The following GARNL3 variants were observed in gnomAD, a reference collection of about 807,000 sequenced individuals.
GARNL3 encodes GTPase activating Rap/RanGAP domain like 3.
Under a neutral mutation model 125.0 loss-of-function variants are expected in GARNL3, and 63 were observed. The ratio of observed to expected loss-of-function variants is 0.50; its 90% CI spans 0.41 to 0.62. The LOEUF is 0.62. Among genes scored for constraint, GARNL3 ranks in the 20% least tolerant of loss-of-function variants. The pLI is 0.00. For missense variants in GARNL3, 994 were observed against 1,244.0 expected (o/e 0.80, Z 3.02); for synonymous variants, 439 against 457.5 (o/e 0.96, Z 0.52).
At chr9:127,381,442 A>G (rs959954726) in intron 22 of GARNL3, among the ~76,000 whole-genome samples, 1 of 152,144 alleles carries the variant, frequency 6.6e-6, no homozygotes, top group Non-Finnish European at 1.5e-5. Flanking sequence ...ACTAAAATGC[A>G]TTAGCAGAAT....
At chr9:127,366,102 GTCTAACA>G (rs1231139707) in intron 22 of GARNL3, among the ~76,000 whole-genome samples, 1 of 152,178 alleles carries the variant, frequency 6.6e-6, no homozygotes, top group African/African-American at 2.4e-5. Context: ...AAGCTGCCCA[GTCTAACA>G]AGACATAAAA....
intron 7 of GARNL3, among the ~76,000 whole-genome samples, chr9:127,325,676 A>G (rs1426237315): frequency 5.3e-5 from 8 of 152,118 alleles, no homozygotes; most frequent in Non-Finnish European, 8.8e-5. Context: ...CTCATCCTAT[A>G]TCTAACCTAT....
At chr9:127,290,192 C>T (rs2064372575) in intron 1 of GARNL3, among the ~76,000 whole-genome samples, 1 of 152,174 alleles carries the variant, frequency 6.6e-6, no homozygotes, top group Admixed American at 6.5e-5. Context: ...CAACAAATAC[C>T]AGATACTGTT....
At position 127,393,480 on chromosome 9, in the gene GARNL3, G is replaced by C. The variant is rs1185195954; in HGVS notation, c.*226G>C. The C allele has an allele frequency of 5.8e-6, 2 of 345,258 alleles. No individual in the cohort carries two copies. Among genetic ancestry groups the C allele is most frequent in the Admixed American group, 4.5e-5 (1 of 22,320 alleles). 21.4% of individuals were successfully genotyped at this position (345,258 alleles called of 1,614,324 possible). A position where few individuals can be genotyped will look rare whatever the true frequency, so the allele number is the denominator to read the frequency against. On this transcript the variant is annotated 3_prime_UTR_variant, in exon 28 of 28. Transcript: ENST00000373387. ...CCATCAGTCCCCTTGTAATAAAGGT[G>C]GTAGATTTCATTGAGGTTTTAGATT...
intron 14 of GARNL3, 81 bp downstream of exon 14, chr9:127,342,415 C>A: frequency 1.1e-6 from 1 of 942,426 alleles, no homozygotes; most frequent in Non-Finnish European, 1.7e-6. Flanking sequence ...CGATGAGGCC[C>A]TGGTGAGAAA....
intron 1 of GARNL3, among the ~76,000 whole-genome samples, chr9:127,284,145 G>A (rs1056520005): frequency 6.6e-6 from 1 of 152,146 alleles, no homozygotes; most frequent in African/African-American, 2.4e-5. Context: ...GATGCTCTGG[G>A]CCAGGGCTGC....
At chr9:127,290,380 A>G (rs984710060) in intron 1 of GARNL3, among the ~76,000 whole-genome samples, 3 of 152,196 alleles carry the variant, frequency 2.0e-5, no homozygotes, top group Non-Finnish European at 4.4e-5. Context: ...TGTTTTGCTG[A>G]GTGAGCTCTG....
chr9:127,360,476 C>T (rs147030147), intron 21 of GARNL3, among the ~76,000 whole-genome samples: 1 of 152,330 alleles, frequency 6.6e-6, no homozygotes, highest in Non-Finnish European at 1.5e-5. Context: ...TAGTCAGATG[C>T]ACTCACTCAT....
intron 1 of GARNL3, among the ~76,000 whole-genome samples, chr9:127,273,432 T>C (rs1057206921): frequency 1.3e-5 from 2 of 152,226 alleles, no homozygotes; most frequent in Non-Finnish European, 2.9e-5. Flanking sequence ...TCAAACTATT[T>C]TTCGTCCAAA....
intron 26 of GARNL3, 38 bp downstream of exon 26, chr9:127,389,157 C>A: frequency 7.0e-7 from 1 of 1,429,384 alleles, no homozygotes; most frequent in South Asian, 1.2e-5. Context: ...TGTCTGTGAA[C>A]AGACCAGCTG....
chr9:127,272,589 C>T (rs995654320), intron 1 of GARNL3, among the ~76,000 whole-genome samples: 2 of 151,990 alleles, frequency 1.3e-5, no homozygotes, highest in African/African-American at 4.8e-5. Context: ...AAGCGATTCT[C>T]CTGCCTCAGC....
chr9:127,316,113 C>T (rs2065233833), intron 4 of GARNL3, among the ~76,000 whole-genome samples: 1 of 152,170 alleles, frequency 6.6e-6, no homozygotes, highest in Non-Finnish European at 1.5e-5. Context: ...AAGAAAAACA[C>T]AAATCCACAA....
At chr9:127,251,289 T>C (rs1417958066) in intron 2 of GARNL3, among the ~76,000 whole-genome samples, 2 of 152,214 alleles carry the variant, frequency 1.3e-5, no homozygotes, top group Non-Finnish European at 2.9e-5. Flanking sequence ...TCAAATACTT[T>C]TGCTTCCTAT....
At chr9:127,284,931 G>A (rs2064205207) in intron 1 of GARNL3, among the ~76,000 whole-genome samples, 1 of 152,014 alleles carries the variant, frequency 6.6e-6, no homozygotes, top group Non-Finnish European at 1.5e-5. Context: ...CTATATCACT[G>A]AACTCCTGGT....
intron 1 of GARNL3, among the ~76,000 whole-genome samples, chr9:127,239,756 G>A (rs778702510): frequency 2.0e-5 from 3 of 152,082 alleles, no homozygotes; most frequent in Non-Finnish European, 2.9e-5. Context: ...TAAAAGAAAT[G>A]AGTAAATAGA....
chr9:127,312,758 T>G (rs921783946), intron 3 of GARNL3, among the ~76,000 whole-genome samples: 1 of 152,152 alleles, frequency 6.6e-6, no homozygotes, highest in Non-Finnish European at 1.5e-5. Flanking sequence ...CAAAGTTTAT[T>G]GGTGTGTGGG....
At chr9:127,226,801 C>T (rs186225439) in intron 1 of GARNL3, among the ~76,000 whole-genome samples, 2 of 152,354 alleles carry the variant, frequency 1.3e-5, no homozygotes, top group East Asian at 1.9e-4. Flanking sequence ...ATAACGGTCT[C>T]TGTGCTCATG....
At chr9:127,347,809 C>T (rs1830220850) in intron 16 of GARNL3, among the ~76,000 whole-genome samples, 1 of 152,158 alleles carries the variant, frequency 6.6e-6, no homozygotes, top group Non-Finnish European at 1.5e-5. Context: ...AAAATGTTGT[C>T]ACATTCTTTA....
intron 1 of GARNL3, among the ~76,000 whole-genome samples, chr9:127,240,533 C>T (rs752771336): frequency 6.6e-6 from 1 of 152,196 alleles, no homozygotes; most frequent in Non-Finnish European, 1.5e-5. Context: ...ATGTCAGTTG[C>T]CTTGAGCAGC....
Sources: gnomAD v4.1 joint callset for allele counts (sites outside exome capture counted in the v4.1 genomes callset) on GRCh38, gnomAD v4.1.1 for gene constraint, MANE v1.5 for transcripts, NCBI Gene and HGNC (gene_info 2026-07-23, HGNC 2026-07-21) for gene names.